The following GBX1 variants were observed in gnomAD, a reference collection of about 807,000 sequenced individuals.
GBX1 encodes the protein gastrulation brain homeobox 1, also known as homeobox protein GBX-1.
Under a neutral mutation model 22.9 loss-of-function variants are expected in GBX1, and 9 were observed. That is an observed-to-expected ratio of 0.39 (90% CI 0.24 to 0.69). The LOEUF is 0.69. Among genes scored for constraint, GBX1 ranks in the 30% least tolerant of loss-of-function variants. The pLI is 0.43. For missense variants in GBX1, 494 were observed against 509.2 expected, an observed-to-expected ratio of 0.97 and a Z score of 0.29; for synonymous variants, 203 against 227.3, an observed-to-expected ratio of 0.89 and a Z score of 0.96.
chr7:151,159,952 C>CCGTAAAGA (rs1380476041), intron 1 of GBX1, among the ~76,000 whole-genome samples: 35 of 152,284 alleles, frequency 2.3e-4, no homozygotes, highest in African/African-American at 8.4e-4. Flanking sequence ...GCCTTTTCCA[C>CCGTAAAGA]CGTAAAGACC....
chr7:151,154,730 C>T (rs1801115864), intron 1 of GBX1, among the ~76,000 whole-genome samples: 1 of 152,206 alleles, frequency 6.6e-6, no homozygotes, highest in Non-Finnish European at 1.5e-5. Context: ...AGCACTCATG[C>T]TCCAGGAGAC....
intron 1 of GBX1, among the ~76,000 whole-genome samples, chr7:151,153,171 G>C (rs1801097690): frequency 6.6e-6 from 1 of 152,014 alleles, no homozygotes. Flanking sequence ...AGAAGGGAGA[G>C]AGAAAATATG....
intron 1 of GBX1, among the ~76,000 whole-genome samples, chr7:151,155,306 T>A (rs6979015): frequency 0.31 from 47,769 of 151,972 alleles, 8,437 homozygotes; most frequent in African/African-American, 0.49. Flanking sequence ...GAAACACAGG[T>A]CATTCCTCAA....
In GBX1 at chr7:151,167,129, G is replaced by C; in HGVS notation, c.420C>G (p.Gly140=). The C allele has an allele frequency of 6.2e-7, 1 of 1,603,070 alleles. No homozygotes were observed. The part of the protein sequence containing the change: ...ATAARNNPEP[G]GRRPEGGLEA... The stretch of plus-strand genomic sequence containing the variant: ...CCAGCCCACCCTCTGGGCGTCGGCC[G>C]CCTGGCTCGGGGTTGTTTCGGGCGG... Residue 140 remains glycine, a synonymous_variant, in exon 1 of 2, where the codon GGC becomes GGG. Coordinates refer to ENST00000297537, the MANE Select transcript of GBX1 (RefSeq NM_001098834.3). This position sits in a 1 kb window ranked among gnomAD's most constrained non-coding sequence, Gnocchi z 5.9.
intron 1 of GBX1, among the ~76,000 whole-genome samples, chr7:151,157,476 C>T (rs1243740827): frequency 3.9e-5 from 6 of 152,196 alleles, no homozygotes; most frequent in Admixed American, 1.3e-4. Context: ...CATTACAGAA[C>T]TCTCTTCAGA....
At chr7:151,157,452 C>G (rs528273940) in intron 1 of GBX1, among the ~76,000 whole-genome samples, 3 of 152,330 alleles carry the variant, frequency 2.0e-5, no homozygotes, top group Admixed American at 2.0e-4. Flanking sequence ...ATCTTCATCT[C>G]TCTCTGCCTT....
Position 151,167,266 on chromosome 7 carries a change from C to T in GBX1, c.283G>A (p.Val95Met). 6.5e-7 allele frequency: 1 copy of T among 1,545,268 alleles called. No homozygotes were observed. The change falls in exon 1 of 2, where the codon GTG becomes ATG. Residue 95 changes from valine (V) to methionine (M), a missense_variant. Physicochemically the swap from Val to Met is conservative, Grantham distance 21. Coordinates refer to ENST00000297537, the MANE Select transcript of GBX1 (RefSeq NM_001098834.3). This position sits in a 1 kb window ranked among gnomAD's most constrained non-coding sequence, Gnocchi z 5.9. ...GTGGTCAGCGCCACCATCGAGGGCA[C>T]AGCCTGACCCAGCCCCGCGCAGAAG... The part of the protein sequence containing the change: ...NTFCAGLGQA[V>M]PSMVALTTAL...
At chr7:151,155,557 C>G (rs929009761) in intron 1 of GBX1, among the ~76,000 whole-genome samples, 3 of 152,046 alleles carry the variant, frequency 2.0e-5, no homozygotes, top group Non-Finnish European at 4.4e-5. Flanking sequence ...CTCTCTCTCT[C>G]TCTGCACTCT....
chr7:151,161,048 C>G (rs1437496923), intron 1 of GBX1, among the ~76,000 whole-genome samples: 1 of 152,102 alleles, frequency 6.6e-6, no homozygotes, highest in Non-Finnish European at 1.5e-5. Context: ...TCTTCTATTT[C>G]CTAATTCCAA....
chr7:151,150,092 G>A (rs1801060876), intron 1 of GBX1: 15 of 340,570 alleles, frequency 4.4e-5, no homozygotes, highest in East Asian at 1.9e-4. Flanking sequence ...AGAAGGAAAG[G>A]GTAAAAAAGA....
At chr7:151,164,043 T>TAA (rs148650169) in intron 1 of GBX1, among the ~76,000 whole-genome samples, 13 of 151,912 alleles carry the variant, frequency 8.6e-5, no homozygotes, top group African/African-American at 3.1e-4. Context: ...CTCAACAAAT[T>TAA]AAAAAAAATA....
At chr7:151,162,193 T>A (rs1487933277) in intron 1 of GBX1, among the ~76,000 whole-genome samples, 1 of 152,202 alleles carries the variant, frequency 6.6e-6, no homozygotes, top group African/African-American at 2.4e-5. Flanking sequence ...TCAAAAGTTC[T>A]AGGAAAACAT....
chr7:151,163,754 T>C (rs1261522734), intron 1 of GBX1, among the ~76,000 whole-genome samples: 1 of 152,204 alleles, frequency 6.6e-6, no homozygotes, highest in Non-Finnish European at 1.5e-5. Context: ...CTTTGGGCTC[T>C]TCTATTGAGT....
chr7:151,149,869 C>A, intron 1 of GBX1: 1 of 453,776 alleles, frequency 2.2e-6, no homozygotes, highest in South Asian at 1.6e-5. Context: ...GCCTCCTGAT[C>A]CCCTTTCAAT....
Position 151,167,509 on chromosome 7 carries a change from C to T in GBX1, c.40G>A (p.Gly14Ser). 6.7e-7 allele frequency: 1 copy of T among 1,482,334 alleles called. No individual in the cohort carries two copies. Among genetic ancestry groups the T allele is most frequent in the South Asian group, 1.3e-5 (1 of 78,652 alleles). 91.8% of individuals were successfully genotyped at this position (1,482,334 alleles called of 1,614,324 possible). A position where few individuals can be genotyped will look rare whatever the true frequency, so the allele number is the denominator to read the frequency against. ...AGGGSAPGGN[G>S]GGGGGGPGTA... Reference sequence around the variant, plus strand: ...CCCGGGCCCCCGCCGCCGCCCCCGCCGTTGCCCCCAGGGGCGCTACCGCCT... The same window carrying T: ...CCCGGGCCCCCGCCGCCGCCCCCGCTGTTGCCCCCAGGGGCGCTACCGCCT... Residue 14 changes from glycine to serine, a missense_variant, in exon 1 of 2, where the codon GGC (glycine) becomes AGC (serine). Gly to Ser is a moderately conservative substitution (Grantham distance 56, BLOSUM62 0). Around this residue, in one of 3 missense-constraint regions of GBX1, gnomAD observed 365 missense variants for 340.4 expected, o/e 1.07. Coordinates refer to ENST00000297537, the MANE Select transcript of GBX1 (RefSeq NM_001098834.3). This position sits in a 1 kb window ranked among gnomAD's most constrained non-coding sequence, Gnocchi z 5.9.
At position 151,167,119 on chromosome 7, in the gene GBX1, G is replaced by T; in HGVS notation, c.430C>A (p.Pro144Thr). 6.2e-7 allele frequency: 1 copy of T among 1,601,866 alleles called. No individual in the cohort carries two copies. Among genetic ancestry groups the T allele is most frequent in the South Asian group, 1.1e-5 (1 of 89,516 alleles). Residue 144 changes from proline (P) to threonine (T), a missense_variant, in exon 1 of 2, where the codon CCA (proline) becomes ACA (threonine). Pro to Thr is a conservative substitution (Grantham distance 38). Coordinates refer to ENST00000297537, the MANE Select transcript of GBX1 (RefSeq NM_001098834.3). The surrounding 1 kb of genome is among the most constrained non-coding windows in gnomAD (Gnocchi z 5.9). ...RNNPEPGGRR[P>T]EGGLEADELL... ...TCATCAGCTTCCAGCCCACCCTCTG[G>T]GCGTCGGCCGCCTGGCTCGGGGTTG...
chr7:151,153,149 T>C (rs1010343838), intron 1 of GBX1, among the ~76,000 whole-genome samples: 1 of 151,774 alleles, frequency 6.6e-6, no homozygotes, highest in African/African-American at 2.4e-5. Flanking sequence ...ATAAAAGGGC[T>C]GAAAAGTCTA....
rs1261110850 is a variant in GBX1 at position 151,148,827 on chromosome 7, T to C, written c.854A>G (p.Tyr285Cys). The C allele has an allele frequency of 6.2e-7, 1 of 1,614,070 alleles. No individual in the cohort carries two copies. Among genetic ancestry groups the C allele is most frequent in the Non-Finnish European group, 8.5e-7 (1 of 1,180,048 alleles). ...CTGAGAGCGCTCTGTCAAGCTCAGGTATTTCTTGCAATGAAATTCCTTCTC... is the reference window on the plus strand; with the variant it reads ...CTGAGAGCGCTCTGTCAAGCTCAGGCATTTCTTGCAATGAAATTCCTTCTC... ...ELEKEFHCKK[Y>C]LSLTERSQIA... Residue 285 changes from tyrosine (Y) to cysteine (C), a missense_variant, in exon 2 of 2, where the codon TAC becomes TGC. Tyr to Cys is a radical substitution (Grantham distance 194). This residue lies in a region of GBX1 where 124 missense variants were observed against 152.0 expected (regional missense o/e 0.82). Coordinates refer to ENST00000297537, the MANE Select transcript of GBX1 (RefSeq NM_001098834.3). This position sits in a 1 kb window ranked among gnomAD's most constrained non-coding sequence, Gnocchi z 5.1.
At chr7:151,156,385 CAAAAAAAAAAAA>C (rs56947735) in intron 1 of GBX1, among the ~76,000 whole-genome samples, 114 of 15,930 alleles carry the variant, frequency 7.2e-3, no homozygotes, top group South Asian at 0.02. Context: ...GACCCTGTCT[CAAAAAAAAAAAA>C]AAAAAAAAAA....
Sources: allele counts gnomAD v4.1 joint callset (sites outside exome capture counted in the v4.1 genomes callset), GRCh38; gene constraint gnomAD v4.1.1; regional missense constraint gnomAD v4.1.1; non-coding constraint Gnocchi (gnomAD v3.1); transcripts MANE v1.5; gene names NCBI Gene and HGNC (gene_info 2026-07-23, HGNC 2026-07-21).